The following RALYL variants were observed in gnomAD, a reference collection of about 807,000 sequenced individuals.
RALYL encodes RALY RNA binding protein like.
RALYL carries 29 observed loss-of-function variants against 35.1 expected under a neutral mutation model. The ratio of observed to expected loss-of-function variants is 0.83; its 90% confidence interval spans 0.61 to 1.13. RALYL has a LOEUF of 1.13. Ranked by LOEUF, RALYL falls within the 50% of genes most tolerant of loss-of-function variation. The pLI, the probability that RALYL is intolerant of heterozygous loss-of-function variation, is 0.00. For missense variants in RALYL, 359 were observed against 360.4 expected, an observed-to-expected ratio of 1.00 and a Z score of 0.03; for synonymous variants, 120 against 127.6, an observed-to-expected ratio of 0.94 and a Z score of 0.40.
chr8:84,394,154 C>T (rs965879391), intron 1 of RALYL, among the ~76,000 whole-genome samples: 7 of 152,050 alleles, frequency 4.6e-5, no homozygotes, highest in Non-Finnish European at 7.4e-5. Context: ...TTTCAAGTGT[C>T]GTTCACTTCC....
chr8:84,578,269 G>A (rs143719729), intron 2 of RALYL, among the ~76,000 whole-genome samples: 6 of 152,338 alleles, frequency 3.9e-5, no homozygotes, highest in African/African-American at 1.4e-4. Context: ...TCTGCTGTGG[G>A]TGTCTACATC....
chr8:84,355,359 T>C (rs1289506772), intron 1 of RALYL, among the ~76,000 whole-genome samples: 1 of 150,394 alleles, frequency 6.6e-6, no homozygotes, highest in Non-Finnish European at 1.5e-5. Context: ...AAGAACAGTG[T>C]TCAGTAAGAG....
At chr8:84,801,501 T>G (rs1331582184) in intron 3 of RALYL, among the ~76,000 whole-genome samples, 1 of 152,156 alleles carries the variant, frequency 6.6e-6, no homozygotes, top group Non-Finnish European at 1.5e-5. Flanking sequence ...GGATATGTCA[T>G]AGTGATGGTG....
intron 2 of RALYL, among the ~76,000 whole-genome samples, chr8:84,609,147 C>A (rs1250248154): frequency 1.3e-5 from 2 of 152,092 alleles, no homozygotes; most frequent in East Asian, 3.9e-4. Context: ...TGCATTGCTG[C>A]TCCATACATC....
At chr8:84,832,357 A>G (rs897510068) in intron 4 of RALYL, among the ~76,000 whole-genome samples, 1 of 152,046 alleles carries the variant, frequency 6.6e-6, no homozygotes, top group Non-Finnish European at 1.5e-5. Flanking sequence ...ACTTTGGCTT[A>G]TAGGTTGCTC....
chr8:84,708,373 A>G (rs1193396479), intron 2 of RALYL, among the ~76,000 whole-genome samples: 2 of 152,150 alleles, frequency 1.3e-5, no homozygotes, highest in South Asian at 2.1e-4. Flanking sequence ...AAGAGTGCCC[A>G]TTGCCTTGCT....
chr8:84,894,395 G>A (rs1031217081), intron 8 of RALYL, among the ~76,000 whole-genome samples: 2 of 152,136 alleles, frequency 1.3e-5, no homozygotes, highest in African/African-American at 4.8e-5. Context: ...TCAATCTGTT[G>A]GATTTTGGCA....
At chr8:84,859,877 C>T (rs1226097658) in intron 5 of RALYL, among the ~76,000 whole-genome samples, 1 of 151,978 alleles carries the variant, frequency 6.6e-6, no homozygotes, top group African/African-American at 2.4e-5. Flanking sequence ...GAAAATTAGT[C>T]ATTTTCCTTT....
At chr8:84,563,103 C>T (rs998227953) in intron 2 of RALYL, among the ~76,000 whole-genome samples, 4 of 151,734 alleles carry the variant, frequency 2.6e-5, no homozygotes, top group South Asian at 2.1e-4. Context: ...CTTCTGGCTC[C>T]GAGAATATGA....
intron 7 of RALYL, among the ~76,000 whole-genome samples, chr8:84,886,698 C>T (rs367687359): frequency 2.0e-5 from 3 of 152,118 alleles, no homozygotes; most frequent in Non-Finnish European, 2.9e-5. Flanking sequence ...GAAATAATTA[C>T]GATGCTGTCA....
chr8:84,913,040 G>GATAGA (rs1563856643), intron 8 of RALYL, among the ~76,000 whole-genome samples: 211 of 130,126 alleles, frequency 1.6e-3, no homozygotes, highest in East Asian at 0.014. Context: ...GGATAGGTAG[G>GATAGA]TAGATAGATA....
intron 2 of RALYL, among the ~76,000 whole-genome samples, chr8:84,708,894 G>C (rs1255354392): frequency 2.0e-5 from 3 of 152,132 alleles, no homozygotes; most frequent in Admixed American, 1.3e-4. Flanking sequence ...ATAGGATTTT[G>C]AAAATAGCAC....
chr8:84,257,611 G>A (rs149217337), intron 1 of RALYL, among the ~76,000 whole-genome samples: 1 of 152,144 alleles, frequency 6.6e-6, no homozygotes, highest in African/African-American at 2.4e-5. Flanking sequence ...CTAAAACCAG[G>A]TCAGAAATTA....
chr8:84,220,844 C>T (rs865994255), intron 1 of RALYL, among the ~76,000 whole-genome samples: 4 of 151,752 alleles, frequency 2.6e-5, no homozygotes, highest in South Asian at 2.1e-4. Context: ...TCCTTTACTT[C>T]GTTAAAATTT....
intron 1 of RALYL, among the ~76,000 whole-genome samples, chr8:84,249,590 G>A (rs920799381): frequency 6.6e-6 from 1 of 152,056 alleles, no homozygotes; most frequent in African/African-American, 2.4e-5. Context: ...AGTGATAAAG[G>A]TGAATGAGGA....
chr8:84,483,048 C>T (rs1289273087), intron 1 of RALYL, among the ~76,000 whole-genome samples: 1 of 151,900 alleles, frequency 6.6e-6, no homozygotes, highest in African/African-American at 2.4e-5. Context: ...TTTTATTGTA[C>T]AGTACACTTT....
At chr8:84,473,483 C>A (rs963308584) in intron 1 of RALYL, among the ~76,000 whole-genome samples, 1 of 151,234 alleles carries the variant, frequency 6.6e-6, no homozygotes, top group South Asian at 2.1e-4. Flanking sequence ...TAATCAAATG[C>A]CAATTAAATT....
At position 84,456,126 on chromosome 8, in the gene RALYL, A is replaced by G. The variant is rs543623924; in HGVS notation, c.-23-73173A>G. Among the ~76,000 whole-genome samples the G allele has an allele frequency of 4.6e-5, 7 of 152,146 alleles. No individual in the cohort carries two copies. The South Asian group carries it at 1.5e-3, about 32-fold the overall frequency. ...AAAATGTAGTGAGGAAGAGAGACCA[A>G]TGGGGCAGAGAGACAAGCATGTAGC... On this transcript the variant is annotated intron_variant, in intron 1 of 8. Coordinates refer to ENST00000521268, the MANE Select transcript of RALYL (RefSeq NM_173848.7).
intron 2 of RALYL, among the ~76,000 whole-genome samples, chr8:84,592,351 C>G (rs966877450): frequency 1.3e-5 from 2 of 152,120 alleles, no homozygotes; most frequent in Non-Finnish European, 1.5e-5. Flanking sequence ...ACCGTGCTCA[C>G]TCTCTTCAGG....
Sources: gnomAD v4.1 joint callset for allele counts (sites outside exome capture counted in the v4.1 genomes callset) on GRCh38, gnomAD v4.1.1 for gene constraint, MANE v1.5 for transcripts, NCBI Gene and HGNC (gene_info 2026-07-23, HGNC 2026-07-21) for gene names.